The following DACH2 variants were observed in gnomAD, a reference collection of about 807,000 sequenced individuals.
DACH2 encodes dachshund homolog 2.
Under a neutral mutation model 35.8 loss-of-function variants are expected in DACH2, and 17 were observed. The ratio of observed to expected loss-of-function variants is 0.48; its 90% CI spans 0.33 to 0.71. DACH2 has a LOEUF of 0.71. DACH2 is among the 30% of genes least tolerant of loss of function. DACH2 has a pLI of 0.02. For missense variants in DACH2, 469 were observed against 472.7 expected (o/e 0.99, Z 0.07); for synonymous variants, 195 against 177.3 (o/e 1.10, Z -0.79).
chrX:86,160,041 T>C (rs1569286568), intron 1 of DACH2, among the ~76,000 whole-genome samples: 1 of 101,464 alleles, frequency 9.9e-6, no homozygotes, highest in Non-Finnish European at 2.0e-5. Flanking sequence ...CTGCCACATG[T>C]AAAAAAAAAA....
rs184189498 is a variant in DACH2 at position 86,475,085 on chromosome X, G to A, written c.528-39194G>A. ...ATGCTGTTTTGATTCCTACAGCTCTGTAGTATAATTTGAAGTCAGGTAATG... is the reference window on the plus strand; with the variant it reads ...ATGCTGTTTTGATTCCTACAGCTCTATAGTATAATTTGAAGTCAGGTAATG... On this transcript the variant is annotated intron_variant, in intron 2 of 11. Transcript: ENST00000373125. Among the ~76,000 whole-genome samples, 242 of 111,717 alleles carry A rather than the reference G, an allele frequency of 2.2e-3. 3 individuals carry two copies. The highest frequency in any genetic ancestry group is 4.7e-3 in the Middle Eastern group (1 of 213).
At chrX:86,365,711 G>A (rs772659807) in intron 1 of DACH2, among the ~76,000 whole-genome samples, 1 of 111,265 alleles carries the variant, frequency 9.0e-6, no homozygotes, top group East Asian at 2.9e-4. Flanking sequence ...TCGCCCCAAA[G>A]ACTTTTAAAC....
intron 2 of DACH2, among the ~76,000 whole-genome samples, chrX:86,462,773 G>T (rs1255156395): frequency 9.0e-6 from 1 of 111,206 alleles, no homozygotes; most frequent in Non-Finnish European, 1.9e-5. Context: ...TCTCTCAGGA[G>T]TTATACCTAC....
intron 7 of DACH2, among the ~76,000 whole-genome samples, chrX:86,740,447 C>T (rs1407907948): frequency 5.7e-5 from 6 of 105,367 alleles, no homozygotes; most frequent in African/African-American, 2.1e-4. Flanking sequence ...TGGTGTGCTG[C>T]ACCCATTAAC....
chrX:86,752,020 G>A (rs974455266), intron 7 of DACH2, among the ~76,000 whole-genome samples: 3 of 111,319 alleles, frequency 2.7e-5, no homozygotes, highest in African/African-American at 9.8e-5. Context: ...TCACTTATAA[G>A]TTTGAGCTAA....
chrX:86,467,342 C>T (rs186968291), intron 2 of DACH2, among the ~76,000 whole-genome samples: 5 of 111,472 alleles, frequency 4.5e-5, no homozygotes, highest in African/African-American at 1.3e-4. Flanking sequence ...CAAGAGTCAC[C>T]TTTGCTTCAT....
intron 1 of DACH2, among the ~76,000 whole-genome samples, chrX:86,344,492 T>C (rs2035466746): frequency 9.1e-6 from 1 of 110,432 alleles, no homozygotes; most frequent in Non-Finnish European, 1.9e-5. Flanking sequence ...AGCCAATATA[T>C]CAACAAGAAC....
intron 3 of DACH2, among the ~76,000 whole-genome samples, chrX:86,641,177 A>G (rs894164045): frequency 2.7e-4 from 30 of 112,106 alleles, no homozygotes; most frequent in Non-Finnish European, 4.9e-4. Context: ...GGAGGATGGC[A>G]AAACCCAATC....
chrX:86,831,879 C>T (rs770104417), intron 11 of DACH2: 26 of 352,490 alleles, frequency 7.4e-5, no homozygotes, highest in Admixed American at 1.0e-4. Context: ...TCAATGTCTC[C>T]GGTGCTGTGG....
At chrX:86,207,119 A>G (rs1188322920) in intron 1 of DACH2, among the ~76,000 whole-genome samples, 1 of 111,330 alleles carries the variant, frequency 9.0e-6, no homozygotes, top group Non-Finnish European at 1.9e-5. Context: ...CATTTCAATC[A>G]TGAAGAATCC....
At chrX:86,305,081 G>A (rs757892994) in intron 1 of DACH2, 160 of 147,760 alleles carry the variant, frequency 1.1e-3, no homozygotes, top group African/African-American at 4.8e-3. Flanking sequence ...TCATCACCCT[G>A]AAGTTCTGAG....
chrX:86,396,908 TA>T (rs1330318554), intron 2 of DACH2, among the ~76,000 whole-genome samples: 1 of 111,080 alleles, frequency 9.0e-6, no homozygotes, highest in Non-Finnish European at 1.9e-5. Flanking sequence ...TAAAGTAGTT[TA>T]TTTCCAATTC....
At chrX:86,675,792 A>C (rs1222143000) in intron 4 of DACH2, among the ~76,000 whole-genome samples, 1 of 111,828 alleles carries the variant, frequency 8.9e-6, no homozygotes. Flanking sequence ...TTGTAAGAGA[A>C]CATATTTACA....
chrX:86,395,965 C>T (rs1207196719), intron 2 of DACH2, among the ~76,000 whole-genome samples: 9 of 111,355 alleles, frequency 8.1e-5, no homozygotes, highest in African/African-American at 2.6e-4. Context: ...ATCACCACAC[C>T]GACTTCCACA....
chrX:86,505,476 C>A (rs2063666219), intron 2 of DACH2, among the ~76,000 whole-genome samples: 1 of 111,659 alleles, frequency 9.0e-6, no homozygotes, highest in African/African-American at 3.3e-5. Flanking sequence ...CACATTCTTA[C>A]TTTTTGTTTC....
At chrX:86,743,707 C>T (rs1001252384) in intron 7 of DACH2, among the ~76,000 whole-genome samples, 2 of 111,093 alleles carry the variant, frequency 1.8e-5, no homozygotes, top group Non-Finnish European at 3.8e-5. Context: ...GGTTTCCTTG[C>T]CACATGTTTT....
chrX:86,707,654 C>T (rs964897933), intron 5 of DACH2, among the ~76,000 whole-genome samples: 2 of 110,296 alleles, frequency 1.8e-5, no homozygotes, highest in South Asian at 3.8e-4. Flanking sequence ...CGGTGGCCCA[C>T]GCCTGTAATC....
intron 5 of DACH2, among the ~76,000 whole-genome samples, chrX:86,709,415 T>C (rs921818707): frequency 1.1e-4 from 12 of 111,865 alleles, no homozygotes; most frequent in African/African-American, 3.9e-4. Context: ...CTCAAAAGGA[T>C]CATAGTCCTA....
chrX:86,292,479 G>A (rs1172776518), intron 1 of DACH2, among the ~76,000 whole-genome samples: 4 of 109,540 alleles, frequency 3.7e-5, no homozygotes, highest in African/African-American at 1.0e-4. Context: ...TTTTGAATGT[G>A]TTTGCTCTTG....
Sources: gnomAD v4.1 joint callset for allele counts (sites outside exome capture counted in the v4.1 genomes callset) on GRCh38, gnomAD v4.1.1 for gene constraint, MANE v1.5 for transcripts, NCBI Gene and HGNC (gene_info 2026-07-23, HGNC 2026-07-21) for gene names.